Variants in HPSE2 observed in about 807,000 individuals in gnomAD.
HPSE2 encodes inactive heparanase-2.
In HPSE2, 38 loss-of-function variants were observed where a neutral mutation model predicts 60.5. That is an observed-to-expected ratio of 0.63 (90% CI 0.48 to 0.82). The LOEUF is 0.82. HPSE2 is among the 40% of genes least tolerant of loss of function. The probability of loss-of-function intolerance (pLI) is 0.00; values close to 1 mark genes in which losing one functional copy is unlikely to be tolerated. For synonymous variants in HPSE2, 295 were observed against 293.2 expected, an observed-to-expected ratio of 1.01 and a Z score of -0.06; for missense variants, 713 against 740.4, an observed-to-expected ratio of 0.96 and a Z score of 0.43.
chr10:99,021,690 G>A (rs1293793311), intron 3 of HPSE2, among the ~76,000 whole-genome samples: 1 of 152,000 alleles, frequency 6.6e-6, no homozygotes, highest in Non-Finnish European at 1.5e-5. Flanking sequence ...CTTCTCTGAT[G>A]TCCTTAGAAC....
At chr10:99,070,133 C>A (rs1842739247) in intron 3 of HPSE2, among the ~76,000 whole-genome samples, 1 of 152,076 alleles carries the variant, frequency 6.6e-6, no homozygotes, top group South Asian at 2.1e-4. Context: ...TAGACTTCAT[C>A]GAAATTAAGA....
chr10:98,512,810 C>T (rs1339893725), intron 9 of HPSE2, among the ~76,000 whole-genome samples: 2 of 143,028 alleles, frequency 1.4e-5, no homozygotes, highest in Non-Finnish European at 1.5e-5. Flanking sequence ...CTCCCACCCC[C>T]CAACACACAC....
chr10:98,943,269 A>C (rs1386569752), intron 3 of HPSE2, among the ~76,000 whole-genome samples: 1 of 151,628 alleles, frequency 6.6e-6, no homozygotes, highest in Non-Finnish European at 1.5e-5. Context: ...AAAATAAATA[A>C]ATAAAAATAA....
intron 3 of HPSE2, among the ~76,000 whole-genome samples, chr10:99,071,069 C>CT (rs35699449): frequency 0.017 from 2,206 of 132,564 alleles, 52 homozygotes; most frequent in African/African-American, 0.039. Context: ...ATTTTTAATT[C>CT]TTTTTTTTTT....
At position 98,913,634 on chromosome 10, in the gene HPSE2, G is replaced by T. The variant is rs577158561; in HGVS notation, c.611-169578C>A. ...ACACTTCATTTTTGAGGAAAAAATG[G>T]CCTAAAAGCTACCAAAATGAGCAGC... On this transcript the variant is annotated intron_variant, in intron 3 of 11. Transcript: ENST00000370552. 4.8e-4 allele frequency among the ~76,000 whole-genome samples: 73 copies of T among 152,130 alleles called. 1 individual carries two copies. Among genetic ancestry groups the T allele is most frequent in the African/African-American group, 1.7e-3 (71 of 41,516 alleles).
intron 2 of HPSE2, among the ~76,000 whole-genome samples, chr10:99,186,542 CAAAAAAAAAAAAAAAAAAA>C (rs60186369): frequency 3.4e-4 from 20 of 59,484 alleles, no homozygotes; most frequent in South Asian, 2.2e-3. Context: ...GACTCCATCT[CAAAAAAAAAAAAAAAAAAA>C]AAAAAAAAAA....
chr10:98,805,664 A>T (rs1951025821), intron 3 of HPSE2, among the ~76,000 whole-genome samples: 1 of 152,180 alleles, frequency 6.6e-6, no homozygotes, highest in African/African-American at 2.4e-5. Context: ...AACTGACTTT[A>T]AATATAAATT....
chr10:98,495,380 T>C (rs1941799535), intron 9 of HPSE2, among the ~76,000 whole-genome samples: 1 of 152,198 alleles, frequency 6.6e-6, no homozygotes, highest in Non-Finnish European at 1.5e-5. Flanking sequence ...TCATCTTATT[T>C]AGAATTCATT....
intron 11 of HPSE2, among the ~76,000 whole-genome samples, chr10:98,464,220 A>G (rs976848491): frequency 1.3e-5 from 2 of 152,256 alleles, no homozygotes; most frequent in Admixed American, 6.5e-5. Context: ...TCAATTCCCA[A>G]TAGATTTTTT....
intron 2 of HPSE2, among the ~76,000 whole-genome samples, chr10:99,175,408 C>T (rs915644129): frequency 2.2e-4 from 33 of 152,202 alleles, no homozygotes; most frequent in African/African-American, 7.7e-4. Context: ...AGTCTGAAGT[C>T]GACCTGGGAA....
rs559979618 is a variant in HPSE2 at position 98,860,674 on chromosome 10, T to G, written c.611-116618A>C. 3.9e-5 allele frequency among the ~76,000 whole-genome samples: 6 copies of G among 152,260 alleles called. No individual in the cohort carries two copies. In the East Asian group the frequency reaches 7.7e-4, roughly 20 times the overall value. ...TAGAAATCTAACACAATCTCAGATA[T>G]TATGCTATTAACTACTAACCACAAG... On this transcript the variant is annotated intron_variant, in intron 3 of 11. Transcript: ENST00000370552.
chr10:99,063,796 T>C (rs1438001879), intron 3 of HPSE2, among the ~76,000 whole-genome samples: 7 of 152,122 alleles, frequency 4.6e-5, no homozygotes, highest in Non-Finnish European at 1.0e-4. Flanking sequence ...TATGTGCATA[T>C]AAAAAGGTCT....
intron 3 of HPSE2, among the ~76,000 whole-genome samples, chr10:99,068,452 A>G (rs957034589): frequency 6.6e-6 from 1 of 152,204 alleles, no homozygotes; most frequent in Non-Finnish European, 1.5e-5. Flanking sequence ...CAGGTAAGAG[A>G]GCTTGTACGG....
At chr10:98,714,700 C>G (rs1948750912) in intron 5 of HPSE2, among the ~76,000 whole-genome samples, 1 of 151,798 alleles carries the variant, frequency 6.6e-6, no homozygotes, top group Non-Finnish European at 1.5e-5. Flanking sequence ...TTTTATTTCT[C>G]TTAGGAAGTG....
At chr10:98,581,797 C>G (rs1420332659) in intron 9 of HPSE2, among the ~76,000 whole-genome samples, 1 of 152,202 alleles carries the variant, frequency 6.6e-6, no homozygotes, top group Non-Finnish European at 1.5e-5. Flanking sequence ...CTGAAACAAT[C>G]TTTTGTTGGT....
chr10:99,079,466 G>A (rs892075574), intron 3 of HPSE2, among the ~76,000 whole-genome samples: 6 of 152,048 alleles, frequency 3.9e-5, no homozygotes, highest in Admixed American at 2.6e-4. Flanking sequence ...TTGGGGTATT[G>A]GACACATGGT....
chr10:98,459,377 T>TG lies in HPSE2; in HGVS notation c.*196dup, dbSNP rs1264656409. The stretch of plus-strand genomic sequence containing the variant: ...TACAGGTGATGTCTACATTTTCCTT[T>TG]GGGATGGATGTGGCCTACCTAGGCT... On this transcript the variant is annotated 3_prime_UTR_variant, in exon 12 of 12. Coordinates refer to ENST00000370552, the MANE Select transcript of HPSE2 (RefSeq NM_021828.5). 2 of 662,232 alleles carry TG rather than the reference T, an allele frequency of 3.0e-6. No homozygotes were observed. Among genetic ancestry groups the TG allele is most frequent in the East Asian group, 2.7e-5 (1 of 36,500 alleles). 41.0% of individuals were successfully genotyped at this position (662,232 alleles called of 1,614,324 possible).
chr10:99,220,593 A>G (rs1033225947), intron 2 of HPSE2, among the ~76,000 whole-genome samples: 2 of 152,024 alleles, frequency 1.3e-5, no homozygotes, highest in African/African-American at 4.8e-5. Flanking sequence ...TCATGAGCTC[A>G]AGAGATCGAG....
At chr10:98,923,038 T>C (rs558692079) in intron 3 of HPSE2, among the ~76,000 whole-genome samples, 2 of 152,360 alleles carry the variant, frequency 1.3e-5, no homozygotes, top group South Asian at 4.1e-4. Flanking sequence ...AACATCATTT[T>C]CTTTCAGATT....
Sources: allele counts gnomAD v4.1 joint callset (sites outside exome capture counted in the v4.1 genomes callset), GRCh38; gene constraint gnomAD v4.1.1; transcripts MANE v1.5; gene names NCBI Gene and HGNC (gene_info 2026-07-23, HGNC 2026-07-21).